ACOXL: variants seen among roughly 807,000 people sequenced by gnomAD.
ACOXL encodes acyl-coenzyme A oxidase-like protein.
A neutral mutation model predicts 71.9 loss-of-function variants in ACOXL; 70 were observed. The observed-to-expected ratio is 0.97, with a 90% CI of 0.80 to 1.19. The LOEUF (loss-of-function observed/expected upper bound fraction) is 1.19, where lower values mean the gene tolerates loss of function less well. Ranked by LOEUF, ACOXL falls within the 50% of genes most tolerant of loss-of-function variation. ACOXL has a pLI of 0.00. For missense variants in ACOXL, 703 were observed against 736.3 expected, an observed-to-expected ratio of 0.95 and a Z score of 0.52; for synonymous variants, 253 against 281.6, an observed-to-expected ratio of 0.90 and a Z score of 1.02.
intron 4 of ACOXL, 82 bp downstream of exon 4, chr2:110,793,818 T>C: frequency 8.7e-7 from 1 of 1,147,730 alleles, no homozygotes; most frequent in South Asian, 1.3e-5. Flanking sequence ...GTGTATGTGT[T>C]TGAAGAAAAA....
chr2:110,918,677 A>G (rs1367487378), intron 11 of ACOXL, among the ~76,000 whole-genome samples: 1 of 152,224 alleles, frequency 6.6e-6, no homozygotes, highest in Non-Finnish European at 1.5e-5. Context: ...TAATATGCAG[A>G]ATACAAAGAA....
chr2:111,079,414 A>C (rs1309669507), intron 16 of ACOXL, among the ~76,000 whole-genome samples: 1 of 152,222 alleles, frequency 6.6e-6, no homozygotes, highest in Non-Finnish European at 1.5e-5. Context: ...AAATCCATGC[A>C]TGAAGGCCTC....
At chr2:110,968,602 GA>G in intron 12 of ACOXL, 1 of 917,132 alleles carries the variant, frequency 1.1e-6, no homozygotes, top group Non-Finnish European at 1.7e-6. Flanking sequence ...AGAAGCCCAA[GA>G]AAGAAGTTAA....
chr2:110,870,442 T>G (rs1695134884), intron 10 of ACOXL, among the ~76,000 whole-genome samples: 1 of 152,010 alleles, frequency 6.6e-6, no homozygotes, highest in Admixed American at 6.5e-5. Context: ...AACACAGAAG[T>G]GGACTGAATT....
intron 14 of ACOXL, among the ~76,000 whole-genome samples, chr2:111,003,550 CAAA>C (rs548001377): frequency 9.1e-4 from 32 of 35,328 alleles, no homozygotes; most frequent in South Asian, 5.8e-3. Flanking sequence ...GACTCTGTCT[CAAA>C]AAAAAAAAAA....
Position 110,875,056 on chromosome 2 carries a change from G to A in ACOXL, c.788+33651G>A, listed in dbSNP as rs1249435254. 2.0e-5 allele frequency among the ~76,000 whole-genome samples: 3 copies of A among 152,244 alleles called. 1 individual carries two copies. The highest frequency in any genetic ancestry group is 4.8e-5 in the African/African-American group (2 of 41,544). ...AAGCACTGACACTAGCTTGCCACGT[G>A]GCTCCGCTCCGTAACCTGAAGGCAG... is the stretch of plus-strand genomic sequence containing the variant. On this transcript the variant is annotated intron_variant, in intron 10 of 17. Coordinates refer to ENST00000439055, the MANE Select transcript of ACOXL (RefSeq NM_001142807.4).
intron 11 of ACOXL, among the ~76,000 whole-genome samples, chr2:110,929,696 C>T (rs1395864759): frequency 6.6e-6 from 1 of 152,224 alleles, no homozygotes; most frequent in African/African-American, 2.4e-5. Flanking sequence ...TCTCATGGGC[C>T]AGGCCCAGGG....
intron 10 of ACOXL, among the ~76,000 whole-genome samples, chr2:110,902,104 T>C (rs2059259468): frequency 1.3e-5 from 2 of 151,810 alleles, no homozygotes; most frequent in Admixed American, 1.3e-4. Context: ...GAGGATGTTA[T>C]ATGTTAAGCT....
intron 9 of ACOXL, among the ~76,000 whole-genome samples, chr2:110,818,542 AGTAGGTATATATATGTATGTGTATAT>A: frequency 6.8e-6 from 1 of 146,652 alleles, no homozygotes; most frequent in South Asian, 2.2e-4. Flanking sequence ...TATGTGTATA[AGTAGGTATATATATGTATGTGTATAT>A]ATATGTATGT....
intron 10 of ACOXL, among the ~76,000 whole-genome samples, chr2:110,881,594 GT>G (rs1696651771): frequency 6.6e-6 from 1 of 152,086 alleles, no homozygotes; most frequent in Non-Finnish European, 1.5e-5. Flanking sequence ...ACCCTCAAAA[GT>G]TTCCTTATGT....
intron 16 of ACOXL, among the ~76,000 whole-genome samples, chr2:111,070,644 ATAAAAGT>A (rs1429912012): frequency 2.0e-5 from 3 of 151,998 alleles, no homozygotes; most frequent in Non-Finnish European, 4.4e-5. Flanking sequence ...CGATCCTAAA[ATAAAAGT>A]TAAAAAAAAA....
chr2:110,789,696 C>T (rs572709275), intron 3 of ACOXL, among the ~76,000 whole-genome samples: 37 of 152,168 alleles, frequency 2.4e-4, no homozygotes, highest in African/African-American at 3.9e-4. Flanking sequence ...CATCACACAG[C>T]GGGTAGGGCT....
intron 11 of ACOXL, among the ~76,000 whole-genome samples, chr2:110,928,495 A>C (rs1017053467): frequency 6.6e-6 from 1 of 152,238 alleles, no homozygotes; most frequent in Non-Finnish European, 1.5e-5. Context: ...GACATTACTC[A>C]TCCCTGCCAT....
intron 17 of ACOXL, chr2:111,115,493 C>T (rs376512272): frequency 6.6e-6 from 1 of 152,128 alleles, no homozygotes; most frequent in Admixed American, 6.5e-5. Context: ...AGAATTGTAC[C>T]TAACACTGGG....
intron 17 of ACOXL, chr2:111,098,988 G>A (rs2068963000): frequency 6.6e-6 from 1 of 152,168 alleles, no homozygotes; most frequent in African/African-American, 2.4e-5. Flanking sequence ...GTAAAACTAA[G>A]AAAGAGAGAC....
At chr2:110,919,171 G>C (rs976330162) in intron 11 of ACOXL, among the ~76,000 whole-genome samples, 1 of 152,120 alleles carries the variant, frequency 6.6e-6, no homozygotes. Flanking sequence ...GCCCATCAAT[G>C]ATAGACTAGA....
chr2:110,745,824 C>T (rs982109677), intron 1 of ACOXL, among the ~76,000 whole-genome samples: 21 of 152,200 alleles, frequency 1.4e-4, no homozygotes, highest in African/African-American at 4.8e-4. Context: ...GAAACCTGGA[C>T]TGGTTTTCTA....
chr2:110,747,754 G>GT (rs953380541), intron 1 of ACOXL, among the ~76,000 whole-genome samples: 2 of 151,842 alleles, frequency 1.3e-5, no homozygotes, highest in African/African-American at 2.4e-5. Flanking sequence ...ATGTTTTTGT[G>GT]TTTTTTTTAT....
chr2:110,846,760 C>T (rs1027055743), intron 10 of ACOXL, among the ~76,000 whole-genome samples: 2 of 150,800 alleles, frequency 1.3e-5, no homozygotes, highest in African/African-American at 4.9e-5. Context: ...CCAGATCTGT[C>T]TGTGGTATAG....
Sources: gnomAD v4.1 joint callset for allele counts (sites outside exome capture counted in the v4.1 genomes callset) on GRCh38, gnomAD v4.1.1 for gene constraint, MANE v1.5 for transcripts, NCBI Gene and HGNC (gene_info 2026-07-23, HGNC 2026-07-21) for gene names.